The following MDGA2 variants were observed in gnomAD, a reference collection of about 807,000 sequenced individuals.
MDGA2 encodes MAM domain containing glycosylphosphatidylinositol anchor 2.
MDGA2 carries 40 observed loss-of-function variants against 117.8 expected under a neutral mutation model. That is an observed-to-expected ratio of 0.34 (90% CI 0.26 to 0.44). The LOEUF (loss-of-function observed/expected upper bound fraction) is 0.44, where lower values mean the gene tolerates loss of function less well. Among genes scored for constraint, MDGA2 ranks in the 20% least tolerant of loss-of-function variants. The pLI is 1.00. For missense variants in MDGA2, 1,123 were observed against 1,250.6 expected, an observed-to-expected ratio of 0.90 and a Z score of 1.54; for synonymous variants, 452 against 439.0, an observed-to-expected ratio of 1.03 and a Z score of -0.37.
At chr14:47,403,623 GT>G (rs1892200985) in intron 1 of MDGA2, among the ~76,000 whole-genome samples, 1 of 152,098 alleles carries the variant, frequency 6.6e-6, no homozygotes, top group African/African-American at 2.4e-5. Flanking sequence ...TTTGCTAACA[GT>G]TCTTCCTGCT....
chr14:47,301,938 A>C (rs1430378395), intron 1 of MDGA2, among the ~76,000 whole-genome samples: 1 of 152,194 alleles, frequency 6.6e-6, no homozygotes, highest in Non-Finnish European at 1.5e-5. Context: ...GGAGGAGAAA[A>C]GGGAATTTGA....
intron 1 of MDGA2, among the ~76,000 whole-genome samples, chr14:47,310,808 T>C (rs1474578806): frequency 2.0e-5 from 3 of 152,118 alleles, no homozygotes; most frequent in Non-Finnish European, 2.9e-5. Flanking sequence ...AGCTTACCTC[T>C]TGCCTTTATG....
At chr14:46,948,131 T>C (rs956973066) in intron 9 of MDGA2, among the ~76,000 whole-genome samples, 2 of 152,022 alleles carry the variant, frequency 1.3e-5, no homozygotes, top group Non-Finnish European at 2.9e-5. Context: ...ATGCTCTTTT[T>C]TCTTCATCAT....
At chr14:47,010,419 A>G (rs1887858702) in intron 8 of MDGA2, among the ~76,000 whole-genome samples, 1 of 152,090 alleles carries the variant, frequency 6.6e-6, no homozygotes, top group Non-Finnish European at 1.5e-5. Context: ...GACGTAAAAT[A>G]TTAGTGGACT....
chr14:47,387,221 A>G (rs1379904330), intron 1 of MDGA2, among the ~76,000 whole-genome samples: 1 of 152,108 alleles, frequency 6.6e-6, no homozygotes, highest in Non-Finnish European at 1.5e-5. Context: ...TCGGTTCTAC[A>G]ATCAGCATCC....
At chr14:46,919,568 C>T (rs578110170) in intron 10 of MDGA2, among the ~76,000 whole-genome samples, 1 of 152,262 alleles carries the variant, frequency 6.6e-6, no homozygotes, top group African/African-American at 2.4e-5. Context: ...ATTAAATTAG[C>T]TTATGCAACA....
intron 5 of MDGA2, among the ~76,000 whole-genome samples, chr14:47,123,571 C>G (rs1306043001): frequency 6.6e-6 from 1 of 151,984 alleles, no homozygotes; most frequent in Non-Finnish European, 1.5e-5. Context: ...CAAGTTTCTT[C>G]TATTTCCTAA....
At chr14:47,405,523 C>T (rs1892243040) in intron 1 of MDGA2, among the ~76,000 whole-genome samples, 1 of 152,174 alleles carries the variant, frequency 6.6e-6, no homozygotes, top group African/African-American at 2.4e-5. Flanking sequence ...AGCAATGTTA[C>T]TATTCCTCGC....
At position 47,026,666 on chromosome 14, in the gene MDGA2, T is replaced by C. The variant is rs146134407; in HGVS notation, c.1819+8345A>G. On this transcript the variant is annotated intron_variant, in intron 8 of 16. Coordinates refer to ENST00000399232, the MANE Select transcript of MDGA2 (RefSeq NM_001113498.3). ...GTATGTGTGAAATGCCCAAATTCTGTATTTGGGAAGAAAGAATTTAGGTTT... is the reference window on the plus strand; with the variant it reads ...GTATGTGTGAAATGCCCAAATTCTGCATTTGGGAAGAAAGAATTTAGGTTT... 8.1e-4 allele frequency among the ~76,000 whole-genome samples: 123 copies of C among 152,164 alleles called. 2 individuals are homozygous for C. Among genetic ancestry groups the C allele is most frequent in the African/African-American group, 2.9e-3 (119 of 41,516 alleles).
intron 2 of MDGA2, among the ~76,000 whole-genome samples, chr14:47,250,722 T>C (rs1296416461): frequency 6.6e-6 from 1 of 152,238 alleles, no homozygotes; most frequent in African/African-American, 2.4e-5. Context: ...AAGTTTTTTG[T>C]TGTAGCAGCC....
chr14:47,146,561 T>C (rs1232500319), intron 3 of MDGA2, among the ~76,000 whole-genome samples: 1 of 152,224 alleles, frequency 6.6e-6, no homozygotes, highest in Non-Finnish European at 1.5e-5. Flanking sequence ...ATACATCATA[T>C]ATATTGATTA....
intron 1 of MDGA2, among the ~76,000 whole-genome samples, chr14:47,477,476 C>T (rs888922014): frequency 2.6e-5 from 4 of 152,268 alleles, no homozygotes; most frequent in South Asian, 2.1e-4. Flanking sequence ...AGAGTCCATA[C>T]GCTGATTCTT....
intron 13 of MDGA2, 164 bp downstream of exon 13, chr14:46,873,881 T>G: frequency 1.6e-6 from 1 of 640,826 alleles, no homozygotes; most frequent in Non-Finnish European, 2.4e-6. Context: ...GAGAAAAAAT[T>G]AATGTCTACA....
At chr14:47,256,092 A>G (rs927622634) in intron 2 of MDGA2, among the ~76,000 whole-genome samples, 1 of 150,594 alleles carries the variant, frequency 6.6e-6, no homozygotes. Context: ...TTTTAAATCA[A>G]ATTTCTTTTT....
chr14:47,530,400 A>G (rs1276940628), intron 1 of MDGA2, among the ~76,000 whole-genome samples: 1 of 152,184 alleles, frequency 6.6e-6, no homozygotes, highest in Non-Finnish European at 1.5e-5. Context: ...ATCATAGGTT[A>G]TGGAAAGTCT....
intron 1 of MDGA2, among the ~76,000 whole-genome samples, chr14:47,511,379 A>G (rs556514243): frequency 5.5e-4 from 84 of 152,336 alleles, no homozygotes; most frequent in Admixed American, 7.8e-4. Context: ...TTAAAAATTT[A>G]TATGATGTGG....
chr14:47,096,726 T>C (rs1248002252), intron 6 of MDGA2, 128 bp downstream of exon 6: 1 of 924,448 alleles, frequency 1.1e-6, no homozygotes, highest in Non-Finnish European at 1.7e-6. Context: ...TTATTATTTA[T>C]ACATGATTTT....
chr14:47,025,611 C>A (rs895490794), intron 8 of MDGA2, among the ~76,000 whole-genome samples: 1 of 151,016 alleles, frequency 6.6e-6, no homozygotes, highest in Non-Finnish European at 1.5e-5. Context: ...ATTGTCATGA[C>A]ATAGGGGAGA....
chr14:47,627,306 A>T (rs569930090), intron 1 of MDGA2, among the ~76,000 whole-genome samples: 1 of 151,822 alleles, frequency 6.6e-6, no homozygotes, highest in African/African-American at 2.4e-5. Flanking sequence ...GAATGCACCA[A>T]TCGGCACTCT....
Sources: gnomAD v4.1 joint callset for allele counts (sites outside exome capture counted in the v4.1 genomes callset) on GRCh38, gnomAD v4.1.1 for gene constraint, MANE v1.5 for transcripts, NCBI Gene and HGNC (gene_info 2026-07-23, HGNC 2026-07-21) for gene names.